The following CELSR3 variants were observed in gnomAD, a reference collection of about 807,000 sequenced individuals.
CELSR3 encodes the protein EGF-like protein 1.
CELSR3 carries 73 observed loss-of-function variants against 270.0 expected under a neutral mutation model. The ratio of observed to expected loss-of-function variants is 0.27; its 90% CI spans 0.22 to 0.33. The LOEUF is 0.33. Among genes scored for constraint, CELSR3 ranks in the 10% least tolerant of loss-of-function variants. The pLI is 1.00. For missense variants in CELSR3, 3,614 were observed against 4,533.8 expected, an observed-to-expected ratio of 0.80 and a Z score of 5.83; for synonymous variants, 1,780 against 1,905.4, an observed-to-expected ratio of 0.93 and a Z score of 1.71.
Position 48,651,116 on chromosome 3 carries a change from G to C in CELSR3, c.6187-41C>G, listed in dbSNP as rs2047133446. 2.0e-6 allele frequency: 3 copies of C among 1,528,610 alleles called. No individual in the cohort carries two copies. Among genetic ancestry groups the C allele is most frequent in the African/African-American group, 2.8e-5 (2 of 72,472 alleles). The allele number at this position is 1,528,610 out of a possible 1,614,324, so 94.7% of individuals were successfully genotyped here. Reference sequence around the variant, plus strand: ...CCAGGGGCCTGAAGTCAGAGGTCAGGGCTTGGGGAATGAGTGGAATCAAGG... The same window carrying C: ...CCAGGGGCCTGAAGTCAGAGGTCAGCGCTTGGGGAATGAGTGGAATCAAGG... On this transcript the variant is annotated intron_variant, in intron 14 of 34. Transcript: ENST00000164024. The surrounding 1 kb of genome is among the most constrained non-coding windows in gnomAD (Gnocchi z 7.4).
chr3:48,644,635 C>T lies in CELSR3; in HGVS notation c.8085+81G>A, dbSNP rs1326556985. ...GGAAGCCTGCAGAATGCCACCTGACCGCCCTCAGCTGAGTCCACTGCACCT... is the reference window on the plus strand; with the variant it reads ...GGAAGCCTGCAGAATGCCACCTGACTGCCCTCAGCTGAGTCCACTGCACCT... On this transcript the variant is annotated intron_variant, in intron 26 of 34. Coordinates refer to ENST00000164024, the MANE Select transcript of CELSR3 (RefSeq NM_001407.3). This position sits in a 1 kb window ranked among gnomAD's most constrained non-coding sequence, Gnocchi z 4.8. 8 of 1,137,666 alleles carry T rather than the reference C, an allele frequency of 7.0e-6. No individual in the cohort carries two copies. Among genetic ancestry groups the T allele is most frequent in the South Asian group, 2.6e-5 (2 of 75,542 alleles). 70.5% of individuals were successfully genotyped at this position (1,137,666 alleles called of 1,614,324 possible). A position where few individuals can be genotyped will look rare whatever the true frequency, so the allele number is the denominator to read the frequency against.
chr3:48,651,463 G>T lies in CELSR3; in HGVS notation c.6082C>A (p.Pro2028Thr), dbSNP rs766507072. 4 of 1,613,768 alleles carry T rather than the reference G, an allele frequency of 2.5e-6. No homozygotes were observed. In the South Asian group the frequency reaches 3.3e-5, roughly 13 times the overall value. Residue 2028 changes from proline (P) to threonine (T), a missense_variant, in exon 14 of 35, where the codon CCA (proline) becomes ACA (threonine). By Grantham distance (38) the Pro-to-Thr change is conservative. Coordinates refer to ENST00000164024, the MANE Select transcript of CELSR3 (RefSeq NM_001407.3). This position sits in a 1 kb window ranked among gnomAD's most constrained non-coding sequence, Gnocchi z 7.4. ...GTTGGGCTCCCCCACCAGCCCCGTG[G>T]GCACTGCTGGTCCATCCTGGGGGTG... ...HCEHRMDQQC[P>T]RGWWGSPTCG...
Position 48,644,559 on chromosome 3 carries a change from G to T in CELSR3, c.8085+157C>A, listed in dbSNP as rs2047061825. On this transcript the variant is annotated intron_variant, in intron 26 of 34. Transcript: ENST00000164024. The surrounding 1 kb of genome is among the most constrained non-coding windows in gnomAD (Gnocchi z 4.8). ...CCGCGCCCCCATCTCCATGCCAGTT[G>T]AATGGGGGTGGCTACTGACCAGAGG... Among the ~76,000 whole-genome samples the T allele has an allele frequency of 6.6e-6, 1 of 152,094 alleles. No individual in the cohort carries two copies. Among genetic ancestry groups the T allele is most frequent in the African/African-American group, 2.4e-5 (1 of 41,398 alleles).
Position 48,652,072 on chromosome 3 carries a change from G to C in CELSR3, c.5752-24C>G. On this transcript the variant is annotated intron_variant, in intron 11 of 34. Coordinates refer to ENST00000164024, the MANE Select transcript of CELSR3 (RefSeq NM_001407.3). This position sits in a 1 kb window ranked among gnomAD's most constrained non-coding sequence, Gnocchi z 4.3. The stretch of plus-strand genomic sequence containing the variant: ...CCCTGTGGACACACAGCCAGCAAGG[G>C]GTGAGACCATGTTAAGGCACCTCAG... 1 of 1,512,280 alleles carries C rather than the reference G, an allele frequency of 6.6e-7. No homozygotes were observed. Among genetic ancestry groups the C allele is most frequent in the South Asian group, 1.3e-5 (1 of 74,992 alleles). The allele number at this position is 1,512,280 out of a possible 1,614,324, so 93.7% of individuals were successfully genotyped here.
At position 48,651,749 on chromosome 3, in the gene CELSR3, T is replaced by C; in HGVS notation, c.5924-31A>G. On this transcript the variant is annotated intron_variant, in intron 12 of 34. Transcript: ENST00000164024. The surrounding 1 kb of genome is among the most constrained non-coding windows in gnomAD (Gnocchi z 7.4). ...GATTGGGTCAGAAAGCTCAGGATCC[T>C]GGTCGCAGAGCATGGAAGGAAGCAG... The C allele has an allele frequency of 6.5e-7, 1 of 1,534,062 alleles. No individual in the cohort carries two copies. Among genetic ancestry groups the C allele is most frequent in the Non-Finnish European group, 8.7e-7 (1 of 1,142,996 alleles).
In CELSR3 at chr3:48,661,581, G is replaced by C; in HGVS notation, c.1054C>G (p.Pro352Ala). The C allele has an allele frequency of 6.2e-7, 1 of 1,609,632 alleles. No individual in the cohort carries two copies. Among genetic ancestry groups the C allele is most frequent in the Non-Finnish European group, 8.5e-7 (1 of 1,179,200 alleles). ...TAVLRVVAQD[P>A]DAGEAGRLVY... ...AGGCGCCCGGCCTCGCCGGCGTCCG[G>C]GTCCTGAGCAACCACGCGTAGCACC... The change falls in exon 1 of 35, where the codon CCG becomes GCG. Residue 352 changes from proline to alanine, a missense_variant. Physicochemically the swap from Pro to Ala is conservative, Grantham distance 27 (BLOSUM62 -1). Transcript: ENST00000164024.
In CELSR3 at chr3:48,636,506, C is replaced by G. The variant is rs1241572509; in HGVS notation, c.*1699G>C. The G allele has an allele frequency of 6.6e-6, 1 of 152,150 alleles. No individual in the cohort carries two copies. Among genetic ancestry groups the G allele is most frequent in the Non-Finnish European group, 1.5e-5 (1 of 68,034 alleles). The allele number at this position is 152,150 out of a possible 1,614,324, so 9.4% of individuals were successfully genotyped here. On this transcript the variant is annotated 3_prime_UTR_variant, in exon 35 of 35. Transcript: ENST00000164024. ...ATTCCCAAAACAGAGCGCGGCTTCACGGAACAATTTACACAGACAGGAAAG... is the reference window on the plus strand; with the variant it reads ...ATTCCCAAAACAGAGCGCGGCTTCAGGGAACAATTTACACAGACAGGAAAG...
In CELSR3 at chr3:48,650,460, CT is replaced by C; in HGVS notation, c.6472+19del. 3 of 1,329,842 alleles carry C rather than the reference CT, an allele frequency of 2.3e-6. No homozygotes were observed. Among genetic ancestry groups the C allele is most frequent in the Non-Finnish European group, 3.1e-6 (3 of 957,104 alleles). 82.4% of individuals were successfully genotyped at this position (1,329,842 alleles called of 1,614,324 possible). On this transcript the variant is annotated intron_variant, in intron 16 of 34. Transcript: ENST00000164024. The surrounding 1 kb of genome is among the most constrained non-coding windows in gnomAD (Gnocchi z 5.1). ...GCCCACCCCCACCCTCAGTGATGTC[CT>C]TTCCCCCCACATACTCACCCAGGGC... is the stretch of plus-strand genomic sequence containing the variant.
Position 48,643,644 on chromosome 3 carries a change from C to A in CELSR3, c.8199G>T (p.Leu2733=). Residue 2733 remains leucine (L), a synonymous_variant, in exon 28 of 35, where the codon CTG becomes CTT. Transcript: ENST00000164024. ...GCCCAAAGAGCCAGGAGGCACTGAC[C>A]AGCAGAAGCAGCAGGAAGGAGCTGC... ...TLRSSFLLLL[L]VSASWLFGLL... is the part of the protein sequence containing the mutation. 1 of 1,551,836 alleles carries A rather than the reference C, an allele frequency of 6.4e-7. No homozygotes were observed. Among genetic ancestry groups the A allele is most frequent in the Non-Finnish European group, 8.7e-7 (1 of 1,147,348 alleles).
At position 48,661,038 on chromosome 3, in the gene CELSR3, T is replaced by A. The variant is rs199908113; in HGVS notation, c.1597A>T (p.Ile533Leu). The A allele has an allele frequency of 6.2e-7, 1 of 1,613,846 alleles. No homozygotes were observed. The change falls in exon 1 of 35, where the codon ATA becomes TTA. Residue 533 changes from isoleucine to leucine, a missense_variant. By Grantham distance (5) the Ile-to-Leu change is conservative. Transcript: ENST00000164024. ...GPRSATVRVH[I>L]TVLDENDNAP... ...TTGTCGTTCTCGTCTAGCACAGTTA[T>A]GTGTACGCGCACAGTGGCCGAGCGC...
rs377725894 is a variant in CELSR3 at position 48,659,989 on chromosome 3, G to A, written c.2646C>T (p.Ala882=). 1.9e-6 allele frequency: 3 copies of A among 1,614,070 alleles called. No individual in the cohort carries two copies. The highest frequency in any genetic ancestry group is 1.1e-5 in the South Asian group (1 of 91,090). ...CATTCTCACCCACGTCATCATCAGA[G>A]GCACTGATGACCACTATGGTGCTAC... ...PMGSTIVVIS[A]SDDDVGENAR... The change falls in exon 1 of 35, where the codon GCC becomes GCT. Residue 882 remains alanine, a synonymous_variant. Transcript: ENST00000164024. This position sits in a 1 kb window ranked among gnomAD's most constrained non-coding sequence, Gnocchi z 8.1.
chr3:48,648,429 G>C lies in CELSR3; in HGVS notation c.6810C>G (p.Ala2270=). 2 of 1,597,586 alleles carry C rather than the reference G, an allele frequency of 1.3e-6. No homozygotes were observed. Among genetic ancestry groups the C allele is most frequent in the Middle Eastern group, 3.3e-4 (2 of 6,032 alleles). The change falls in exon 19 of 35, where the codon GCC becomes GCG. Residue 2270 remains alanine (A), a synonymous_variant. Coordinates refer to ENST00000164024, the MANE Select transcript of CELSR3 (RefSeq NM_001407.3). ...CCGCCCACAAGTCCCCTGTCTCTGGGGCAAGCAGTGCAGAGCCGGCCCACA... is the reference window on the plus strand; with the variant it reads ...CCGCCCACAAGTCCCCTGTCTCTGGCGCAAGCAGTGCAGAGCCGGCCCACA... ...NLLWAGSALL[A]PETGDLWAAL...
rs1253291960 is a variant in CELSR3 at position 48,637,359 on chromosome 3, A to G, written c.*846T>C. On this transcript the variant is annotated 3_prime_UTR_variant, in exon 35 of 35. Coordinates refer to ENST00000164024, the MANE Select transcript of CELSR3 (RefSeq NM_001407.3). ...CACCCTACCCTTCGGAATCAATTCA[A>G]GCAGGGGGCAGTGTCAGGGAATCAA... 2.0e-5 allele frequency: 3 copies of G among 152,602 alleles called. No individual in the cohort carries two copies. Among genetic ancestry groups the G allele is most frequent in the African/African-American group, 7.2e-5 (3 of 41,426 alleles). 9.5% of individuals were successfully genotyped at this position (152,602 alleles called of 1,614,324 possible).
Position 48,648,384 on chromosome 3 carries a change from A to G in CELSR3, c.6855T>C (p.Pro2285=). 6.2e-7 allele frequency: 1 copy of G among 1,611,272 alleles called. No homozygotes were observed. ...DLWAALGQRA[P]GGSPGSAGLV... is the part of the protein sequence containing the mutation. ...GTCCCGCGCTGCCTGGGGAGCCCCC[A>G]GGGGCCCGCTGCCCCAGCGCCGCCC... The change falls in exon 19 of 35, where the codon CCT becomes CCC. Residue 2285 remains proline (P), a synonymous_variant. Transcript: ENST00000164024.
chr3:48,641,396 T>C lies in CELSR3; in HGVS notation c.8953A>G (p.Asn2985Asp). The C allele has an allele frequency of 6.2e-7, 1 of 1,612,630 alleles. No homozygotes were observed. The highest frequency in any genetic ancestry group is 2.2e-5 in the East Asian group (1 of 44,864). Residue 2985 changes from asparagine to aspartate, a missense_variant, in exon 33 of 35, where the codon AAC becomes GAC. Transcript: ENST00000164024. The surrounding 1 kb of genome is among the most constrained non-coding windows in gnomAD (Gnocchi z 4.8). ...GLDTSKDAANNNQPDPALTSG... is the reference protein window; with the variant it reads ...GLDTSKDAANDNQPDPALTSG... The stretch of plus-strand genomic sequence containing the variant: ...GTCAGGGCCGGGTCTGGCTGGTTGT[T>C]GTTAGCTGCATCCTTGCTGGTGTCC...
chr3:48,661,638 G>C lies in CELSR3; in HGVS notation c.997C>G (p.Leu333Val), dbSNP rs777659950. Reference sequence around the variant, plus strand: ...CCTGCTGCCTCATTCTCCGGCACCAGCGTCTGGTAGTTGTACTGCGGAAAC... The same window carrying C: ...CCTGCTGCCTCATTCTCCGGCACCACCGTCTGGTAGTTGTACTGCGGAAAC... ...PQFPQYNYQT[L>V]VPENEAAGTA... Residue 333 changes from leucine to valine, a missense_variant, in exon 1 of 35, where the codon CTG (leucine) becomes GTG (valine). Coordinates refer to ENST00000164024, the MANE Select transcript of CELSR3 (RefSeq NM_001407.3). 3 of 1,603,258 alleles carry C rather than the reference G, an allele frequency of 1.9e-6. No individual in the cohort carries two copies. Among genetic ancestry groups the C allele is most frequent in the Admixed American group, 1.7e-5 (1 of 57,978 alleles).
Position 48,652,867 on chromosome 3 carries a change from G to A in CELSR3, c.5634+135C>T. 2.5e-6 allele frequency: 2 copies of A among 808,646 alleles called. No homozygotes were observed. The highest frequency in any genetic ancestry group is 4.1e-6 in the Non-Finnish European group (2 of 490,994). The allele number at this position is 808,646 out of a possible 1,614,324, so 50.1% of individuals were successfully genotyped here. A position where few individuals can be genotyped will look rare whatever the true frequency, so the allele number is the denominator to read the frequency against. The stretch of plus-strand genomic sequence containing the variant: ...GGTGGGCTCAGTGCAAGGATATATG[G>A]TGGGGAACTAGGGGTAGAACATCAG... On this transcript the variant is annotated intron_variant, in intron 10 of 34. Coordinates refer to ENST00000164024, the MANE Select transcript of CELSR3 (RefSeq NM_001407.3). This position sits in a 1 kb window ranked among gnomAD's most constrained non-coding sequence, Gnocchi z 4.3.
Position 48,640,066 on chromosome 3 carries a change from G to T in CELSR3, c.9519C>A (p.Pro3173=). The T allele has an allele frequency of 6.2e-7, 1 of 1,610,670 alleles. No individual in the cohort carries two copies. Among genetic ancestry groups the T allele is most frequent in the Admixed American group, 1.7e-5 (1 of 59,958 alleles). The change falls in exon 34 of 35, where the codon CCC becomes CCA. Residue 3173 remains proline (P), a synonymous_variant. Transcript: ENST00000164024. This position sits in a 1 kb window ranked among gnomAD's most constrained non-coding sequence, Gnocchi z 7.5. ...TTGAGAGTTGCCGCTGGGGAGACAG[G>T]GGCAGAGGTGGGGGCTGTGGGTCAA... is the stretch of plus-strand genomic sequence containing the variant. The part of the protein sequence containing the change: ...RDLDPQPPPL[P]LSPQRQLSRD...
In CELSR3 at chr3:48,652,998, A is replaced by G; in HGVS notation, c.5634+4T>C. ...ACAGACTACCCCGGGGTCAGAGGCC[A>G]GACCTGGAAGAGGCTAAAGTCCAGT... On this transcript the variant is annotated splice_donor_region_variant and intron_variant, in intron 10 of 34. Coordinates refer to ENST00000164024, the MANE Select transcript of CELSR3 (RefSeq NM_001407.3). This position sits in a 1 kb window ranked among gnomAD's most constrained non-coding sequence, Gnocchi z 4.3. The G allele has an allele frequency of 1.9e-6, 3 of 1,612,276 alleles. No individual in the cohort carries two copies. Among genetic ancestry groups the G allele is most frequent in the Non-Finnish European group, 2.5e-6 (3 of 1,179,292 alleles).
Sources: allele counts gnomAD v4.1 joint callset (sites outside exome capture counted in the v4.1 genomes callset), GRCh38; gene constraint gnomAD v4.1.1; non-coding constraint Gnocchi (gnomAD v3.1); transcripts MANE v1.5; gene names NCBI Gene and HGNC (gene_info 2026-07-23, HGNC 2026-07-21).